Variants in PPARGC1A observed in about 807,000 individuals in gnomAD.
The protein encoded by PPARGC1A is PPARG coactivator 1 alpha.
PPARGC1A carries 25 observed loss-of-function variants against 88.7 expected under a neutral mutation model. The observed-to-expected ratio is 0.28, with a 90% CI of 0.21 to 0.39. PPARGC1A has a LOEUF of 0.39. Among genes scored for constraint, PPARGC1A ranks in the 10% least tolerant of loss-of-function variants. The pLI, the probability that PPARGC1A is intolerant of heterozygous loss-of-function variation, is 1.00. For missense variants in PPARGC1A, 880 were observed against 968.7 expected (o/e 0.91, Z 1.22); for synonymous variants, 363 against 355.6 (o/e 1.02, Z -0.24).
At chr4:24,087,327 G>A in the PPARGC1A span, among the ~76,000 whole-genome samples, 1 of 152,138 alleles carries the variant, frequency 6.6e-6, no homozygotes, top group African/African-American at 2.4e-5. Flanking sequence ...TTCATCCAGG[G>A]CTTATTGCGC....
chr4:23,802,612 G>A (rs1402425926), intron 10 of PPARGC1A, among the ~76,000 whole-genome samples: 1 of 149,140 alleles, frequency 6.7e-6, no homozygotes, highest in Non-Finnish European at 1.5e-5. Flanking sequence ...GGGAGGCAGA[G>A]GTTGCAGTGA....
chr4:24,271,712 G>T, the PPARGC1A span, among the ~76,000 whole-genome samples: 1 of 152,242 alleles, frequency 6.6e-6, no homozygotes, highest in Non-Finnish European at 1.5e-5. Context: ...TATGAACTGG[G>T]CTAAAGGTAA....
the PPARGC1A span, among the ~76,000 whole-genome samples, chr4:23,920,460 GAACT>G: frequency 8.5e-5 from 13 of 152,134 alleles, no homozygotes; most frequent in Admixed American, 7.9e-4. Context: ...CATTACCACT[GAACT>G]AACTACTAGA....
At chr4:24,085,398 TC>T in the PPARGC1A span, among the ~76,000 whole-genome samples, 1 of 152,218 alleles carries the variant, frequency 6.6e-6, no homozygotes, top group African/African-American at 2.4e-5. Flanking sequence ...GTAAGTATCT[TC>T]CTTTTCATCT....
At chr4:23,814,734 A>G in intron 7 of PPARGC1A, 129 bp from the exon 8 acceptor site, 2 of 884,734 alleles carry the variant, frequency 2.3e-6, no homozygotes, top group Non-Finnish European at 3.3e-6. Context: ...AACTGAGTGA[A>G]GAAGAAGGAA....
chr4:24,201,360 CACAA>C, the PPARGC1A span, among the ~76,000 whole-genome samples: 2 of 152,224 alleles, frequency 1.3e-5, no homozygotes, highest in Non-Finnish European at 2.9e-5. Flanking sequence ...CCCCCACTAA[CACAA>C]ACACTTTGGA....
At chr4:24,427,986 A>G in the PPARGC1A span, among the ~76,000 whole-genome samples, 5 of 151,930 alleles carry the variant, frequency 3.3e-5, no homozygotes, top group Admixed American at 6.6e-5. Flanking sequence ...ATGGTGGCAT[A>G]TGTCTTTAGT....
intron 1 of PPARGC1A, among the ~76,000 whole-genome samples, chr4:23,896,212 C>T (rs1718585692): frequency 6.6e-6 from 1 of 151,794 alleles, no homozygotes; most frequent in Admixed American, 6.6e-5. Context: ...GTTATAAGTA[C>T]TTTTTACGTT....
At chr4:24,025,498 A>G in the PPARGC1A span, among the ~76,000 whole-genome samples, 1 of 152,018 alleles carries the variant, frequency 6.6e-6, no homozygotes. Context: ...CAAGAATCAC[A>G]GATCTGTTCC....
At position 23,821,821 on chromosome 4, in the gene PPARGC1A, G is replaced by C. The variant is rs181611862; in HGVS notation, c.877+2459C>G. On this transcript the variant is annotated intron_variant, in intron 7 of 12. Coordinates refer to ENST00000264867, the MANE Select transcript of PPARGC1A (RefSeq NM_013261.5). ...TGGACCAAGGCCACACACTAGATGG[G>C]AGGTCATTCAGAATTTAAACTTGGG... Among the ~76,000 whole-genome samples, 354 of 151,896 alleles carry C rather than the reference G, an allele frequency of 2.3e-3. 1 individual carries two copies. The highest frequency in any genetic ancestry group is 8.3e-3 in the African/African-American group (342 of 41,448).
At chr4:24,347,091 G>A in the PPARGC1A span, among the ~76,000 whole-genome samples, 2 of 152,136 alleles carry the variant, frequency 1.3e-5, no homozygotes, top group African/African-American at 4.8e-5. Context: ...TCCTTTTGGA[G>A]TTGATTTCCA....
chr4:23,840,804 TG>T (rs1726935584), intron 2 of PPARGC1A, among the ~76,000 whole-genome samples: 1 of 152,180 alleles, frequency 6.6e-6, no homozygotes, highest in Non-Finnish European at 1.5e-5. Flanking sequence ...TTGTTGTTGT[TG>T]TTATTTTCTT....
At chr4:24,312,578 A>T in the PPARGC1A span, among the ~76,000 whole-genome samples, 2 of 149,230 alleles carry the variant, frequency 1.3e-5, no homozygotes, top group Admixed American at 1.3e-4. Flanking sequence ...TCTTAATTCT[A>T]TGAATATAGT....
At chr4:23,804,891 T>C (rs1280025860) in intron 10 of PPARGC1A, among the ~76,000 whole-genome samples, 3 of 152,164 alleles carry the variant, frequency 2.0e-5, no homozygotes, top group Admixed American at 1.3e-4. Context: ...TGCAGTGAGG[T>C]CAGAATTCCT....
chr4:24,239,224 A>G, the PPARGC1A span, among the ~76,000 whole-genome samples: 13 of 152,336 alleles, frequency 8.5e-5, no homozygotes, highest in Non-Finnish European at 1.5e-4. Context: ...AGGCAGGCAC[A>G]AGGAAAGTCT....
At chr4:23,865,952 TACACACACAC>T (rs140873233) in intron 2 of PPARGC1A, among the ~76,000 whole-genome samples, 1 of 149,222 alleles carries the variant, frequency 6.7e-6, no homozygotes, top group Admixed American at 6.7e-5. Flanking sequence ...CATTTATTCC[TACACACACAC>T]ACACACACGC....
intron 7 of PPARGC1A, among the ~76,000 whole-genome samples, chr4:23,820,895 C>T (rs1302799146): frequency 6.6e-6 from 1 of 152,098 alleles, no homozygotes; most frequent in African/African-American, 2.4e-5. Context: ...CACCAGAAGG[C>T]CTGAGCCAAA....
chr4:24,253,159 A>G, the PPARGC1A span, among the ~76,000 whole-genome samples: 2 of 152,176 alleles, frequency 1.3e-5, no homozygotes, highest in African/African-American at 4.8e-5. Context: ...GTCATTTTAT[A>G]TTGAGGGTAT....
the PPARGC1A span, among the ~76,000 whole-genome samples, chr4:24,105,119 C>G: frequency 6.6e-6 from 1 of 152,200 alleles, no homozygotes; most frequent in African/African-American, 2.4e-5. Flanking sequence ...TCGAGTCACA[C>G]ACAACACCCA....
Sources: gnomAD v4.1 joint callset for allele counts (sites outside exome capture counted in the v4.1 genomes callset) on GRCh38, gnomAD v4.1.1 for gene constraint, MANE v1.5 for transcripts, NCBI Gene and HGNC (gene_info 2026-07-23, HGNC 2026-07-21) for gene names.